JAK1: variants seen among roughly 807,000 people sequenced by gnomAD.
The protein encoded by JAK1 is Janus kinase 1.
Under a neutral mutation model 136.6 loss-of-function variants are expected in JAK1, and 16 were observed. That is an observed-to-expected ratio of 0.12 (90% CI 0.08 to 0.18). JAK1 has a LOEUF of 0.18. JAK1 is among the 10% of genes least tolerant of loss of function. JAK1 has a pLI of 1.00. For synonymous variants in JAK1, 492 were observed against 519.5 expected (o/e 0.95, Z 0.72); for missense variants, 859 against 1,450.1 (o/e 0.59, Z 6.62).
intron 1 of JAK1, among the ~76,000 whole-genome samples, chr1:64,935,398 C>G (rs1268744671): frequency 6.6e-6 from 1 of 152,168 alleles, no homozygotes; most frequent in Non-Finnish European, 1.5e-5. Flanking sequence ...CTCCCGGGTT[C>G]AAGCGATTCT....
At chr1:64,879,842 C>A (rs1232933497) in intron 3 of JAK1, among the ~76,000 whole-genome samples, 2 of 152,142 alleles carry the variant, frequency 1.3e-5, no homozygotes, top group East Asian at 3.9e-4. Context: ...CCACCAGTTG[C>A]CTCCGTCAAT....
At chr1:64,950,103 G>A (rs1646056001) in intron 1 of JAK1, among the ~76,000 whole-genome samples, 1 of 152,078 alleles carries the variant, frequency 6.6e-6, no homozygotes, top group African/African-American at 2.4e-5. Context: ...ACAGCTTCGT[G>A]TAGGAGTAAA....
intron 1 of JAK1, among the ~76,000 whole-genome samples, chr1:65,055,817 C>G (rs1272306598): frequency 6.6e-6 from 1 of 152,198 alleles, no homozygotes; most frequent in Non-Finnish European, 1.5e-5. Flanking sequence ...GGGGACCCAG[C>G]ATGACTCTGT....
At position 64,984,589 on chromosome 1, in the gene JAK1, G is replaced by T; in HGVS notation, c.-78+59891C>A. The T allele has an allele frequency of 2.5e-6, 1 of 396,256 alleles. No homozygotes were observed. The highest frequency in any genetic ancestry group is 4.9e-6 in the Non-Finnish European group (1 of 203,188). 24.5% of individuals were successfully genotyped at this position (396,256 alleles called of 1,614,324 possible). Reference sequence around the variant, plus strand: ...GTGGCTTTCCCTTGCTGGGAGGGAGGTTGAAGGAGGCATGATTTAGACATT... The same window carrying T: ...GTGGCTTTCCCTTGCTGGGAGGGAGTTTGAAGGAGGCATGATTTAGACATT... On this transcript the variant is annotated intron_variant, in intron 2 of 25. Transcript: ENST00000671954. The surrounding 1 kb of genome is among the most constrained non-coding windows in gnomAD (Gnocchi z 4.1).
At chr1:64,928,369 G>A (rs981447816) in intron 1 of JAK1, among the ~76,000 whole-genome samples, 7 of 152,138 alleles carry the variant, frequency 4.6e-5, no homozygotes, top group South Asian at 2.1e-4. Flanking sequence ...AGAATACTGC[G>A]AGAAAAAGTA....
At chr1:64,930,929 A>G (rs1463053628) in intron 1 of JAK1, among the ~76,000 whole-genome samples, 2 of 152,010 alleles carry the variant, frequency 1.3e-5, no homozygotes, top group Non-Finnish European at 2.9e-5. Context: ...GTTCTCACTC[A>G]TAAGTGGGAG....
At chr1:64,924,769 A>G (rs1645554234) in intron 1 of JAK1, among the ~76,000 whole-genome samples, 1 of 152,158 alleles carries the variant, frequency 6.6e-6, no homozygotes, top group South Asian at 2.1e-4. Flanking sequence ...AGCCACAAAC[A>G]CCTTTATAGG....
intron 2 of JAK1, among the ~76,000 whole-genome samples, chr1:64,994,508 A>G (rs772638904): frequency 6.6e-6 from 1 of 152,194 alleles, no homozygotes; most frequent in Non-Finnish European, 1.5e-5. Flanking sequence ...TTACCATGAC[A>G]GAAAGTGGAA....
chr1:64,958,431 T>C (rs901563948), intron 1 of JAK1, among the ~76,000 whole-genome samples: 1 of 152,256 alleles, frequency 6.6e-6, no homozygotes, highest in African/African-American at 2.4e-5. Context: ...AGAATGGTTT[T>C]AACTGAACAA....
intron 5 of JAK1, among the ~76,000 whole-genome samples, chr1:64,871,805 A>C (rs1433043856): frequency 6.6e-6 from 1 of 152,230 alleles, no homozygotes; most frequent in Non-Finnish European, 1.5e-5. Flanking sequence ...TCCCAGGATC[A>C]TTGCTGCAGA....
chr1:64,966,855 C>G (rs1452373901), upstream of JAK1, among the ~76,000 whole-genome samples: 1 of 152,056 alleles, frequency 6.6e-6, no homozygotes, highest in Non-Finnish European at 1.5e-5. Flanking sequence ...TGACCCCTCC[C>G]AGCTCTGGAG....
At chr1:64,841,098 G>A (rs560407284) in intron 19 of JAK1, 147 bp downstream of exon 19, 2 of 633,540 alleles carry the variant, frequency 3.2e-6, no homozygotes, top group African/African-American at 1.8e-5. Context: ...TGTGATGAAA[G>A]TGGCCCCCAA....
intron 4 of JAK1, among the ~76,000 whole-genome samples, chr1:64,874,532 G>C (rs1232893983): frequency 6.6e-6 from 1 of 152,038 alleles, no homozygotes; most frequent in East Asian, 1.9e-4. Context: ...AATTGCACAG[G>C]GGGTTGGTGC....
chr1:65,046,772 A>C (rs1222054056), intron 1 of JAK1, among the ~76,000 whole-genome samples: 2 of 150,252 alleles, frequency 1.3e-5, no homozygotes, highest in East Asian at 3.9e-4. Context: ...CTGGTGTCGA[A>C]CTCCTGGCCT....
At chr1:64,868,583 G>C (rs572942555) in intron 6 of JAK1, among the ~76,000 whole-genome samples, 6 of 152,288 alleles carry the variant, frequency 3.9e-5, no homozygotes, top group African/African-American at 1.2e-4. Context: ...TGAGGAGCAA[G>C]CTGTGATCTG....
At chr1:65,003,009 C>G (rs547484414) in intron 2 of JAK1, among the ~76,000 whole-genome samples, 74 of 139,286 alleles carry the variant, frequency 5.3e-4, no homozygotes, top group African/African-American at 1.8e-3. Context: ...GTGAGACAAC[C>G]TAGCTTTTTT....
chr1:65,056,627 A>G (rs1276153911), intron 1 of JAK1, among the ~76,000 whole-genome samples: 1 of 152,204 alleles, frequency 6.6e-6, no homozygotes, highest in African/African-American at 2.4e-5. Flanking sequence ...ACAGTATGTT[A>G]AAAAGTCACA....
intron 7 of JAK1, 133 bp from the exon 8 acceptor site, chr1:64,865,105 G>A: frequency 2.9e-6 from 2 of 679,776 alleles, no homozygotes; most frequent in South Asian, 4.0e-5. Flanking sequence ...TGGACTTGCA[G>A]GATTGGGGGA....
chr1:65,032,162 T>G (rs922242810), intron 2 of JAK1, among the ~76,000 whole-genome samples: 4 of 151,656 alleles, frequency 2.6e-5, no homozygotes, highest in African/African-American at 9.7e-5. Context: ...GACGGGGTTT[T>G]GCCATATTGG....
Sources: allele counts gnomAD v4.1 joint callset (sites outside exome capture counted in the v4.1 genomes callset), GRCh38; gene constraint gnomAD v4.1.1; non-coding constraint Gnocchi (gnomAD v3.1); transcripts MANE v1.5; gene names NCBI Gene and HGNC (gene_info 2026-07-23, HGNC 2026-07-21).